Variants in B3GALT1 observed in about 807,000 individuals in gnomAD.
The protein encoded by B3GALT1 is UDP-Gal:betaGlcNAc beta 1,3-galactosyltransferase, polypeptide 1.
B3GALT1 carries 10 observed loss-of-function variants against 23.2 expected under a neutral mutation model. The ratio of observed to expected loss-of-function variants is 0.43; its 90% CI spans 0.27 to 0.73. B3GALT1 has a LOEUF of 0.73. B3GALT1 is among the 30% of genes least tolerant of loss of function. B3GALT1 has a pLI of 0.21. For synonymous variants in B3GALT1, 156 were observed against 141.5 expected (o/e 1.10, Z -0.73); for missense variants, 299 against 405.4 (o/e 0.74, Z 2.25).
chr2:167,556,565 T>G (rs574804399), intron 2 of B3GALT1, among the ~76,000 whole-genome samples: 37 of 152,316 alleles, frequency 2.4e-4, no homozygotes, highest in African/African-American at 8.7e-4. Flanking sequence ...ATTTCAATAA[T>G]GAAGTTTTAT....
intron 1 of B3GALT1, among the ~76,000 whole-genome samples, chr2:167,451,219 G>T (rs1255633488): frequency 1.3e-5 from 2 of 151,924 alleles, no homozygotes; most frequent in African/African-American, 2.4e-5. Context: ...TTCTTGATTT[G>T]GTTCCATTGC....
intron 3 of B3GALT1, among the ~76,000 whole-genome samples, chr2:167,787,182 A>G (rs988240125): frequency 2.6e-5 from 4 of 152,252 alleles, no homozygotes; most frequent in Admixed American, 6.5e-5. Flanking sequence ...ATGGGGTGAA[A>G]TCTGGATTTG....
intron 3 of B3GALT1, among the ~76,000 whole-genome samples, chr2:167,724,945 T>G (rs968417017): frequency 3.3e-5 from 5 of 152,210 alleles, no homozygotes; most frequent in African/African-American, 1.2e-4. Context: ...CTTTTTCCAT[T>G]CAGTGCTTGG....
chr2:167,520,116 A>G (rs1376994832), intron 2 of B3GALT1, among the ~76,000 whole-genome samples: 2 of 152,118 alleles, frequency 1.3e-5, no homozygotes, highest in African/African-American at 4.8e-5. Flanking sequence ...ATACTTTGAA[A>G]AGTTCATGTT....
intron 3 of B3GALT1, among the ~76,000 whole-genome samples, chr2:167,785,842 G>C (rs1301661351): frequency 1.3e-5 from 2 of 152,192 alleles, no homozygotes; most frequent in Admixed American, 1.3e-4. Context: ...TGTTCGTGAA[G>C]TCCTATGAGA....
intron 1 of B3GALT1, among the ~76,000 whole-genome samples, chr2:167,319,166 A>G (rs541000519): frequency 8.7e-4 from 132 of 152,276 alleles, no homozygotes; most frequent in African/African-American, 3.1e-3. Context: ...CCTTTTGCTT[A>G]TGATGGCTGT....
At chr2:167,465,235 A>G (rs1053315058) in intron 1 of B3GALT1, among the ~76,000 whole-genome samples, 1 of 152,146 alleles carries the variant, frequency 6.6e-6, no homozygotes, top group African/African-American at 2.4e-5. Flanking sequence ...TTTTAGTGAC[A>G]GGGTTCCAAC....
intron 3 of B3GALT1, among the ~76,000 whole-genome samples, chr2:167,692,488 T>TA (rs1686730092): frequency 6.6e-6 from 1 of 152,106 alleles, no homozygotes; most frequent in Non-Finnish European, 1.5e-5. Flanking sequence ...CACTTTGTAA[T>TA]AAAAAGAGCA....
chr2:167,804,471 T>G (rs1688707726), intron 3 of B3GALT1, among the ~76,000 whole-genome samples: 1 of 151,928 alleles, frequency 6.6e-6, no homozygotes, highest in Admixed American at 6.6e-5. Flanking sequence ...ATGCTATCCC[T>G]CCCCCTTCTG....
intron 3 of B3GALT1, among the ~76,000 whole-genome samples, chr2:167,804,242 G>A (rs149091710): frequency 0.015 from 2,351 of 152,084 alleles, 56 homozygotes; most frequent in African/African-American, 0.05. Flanking sequence ...TGCGAGCCTC[G>A]GCCGCCCAAA....
At chr2:167,750,587 G>C (rs372078677) in intron 3 of B3GALT1, among the ~76,000 whole-genome samples, 1 of 151,994 alleles carries the variant, frequency 6.6e-6, no homozygotes, top group African/African-American at 2.4e-5. Context: ...GTTCAACCAG[G>C]TTGGTACCTG....
intron 3 of B3GALT1, among the ~76,000 whole-genome samples, chr2:167,729,117 A>T (rs1687366911): frequency 6.6e-6 from 1 of 152,202 alleles, no homozygotes; most frequent in Non-Finnish European, 1.5e-5. Context: ...GCCCTGGTGA[A>T]CTGTGAGGGA....
chr2:167,548,523 C>A (rs931257300), intron 2 of B3GALT1, among the ~76,000 whole-genome samples: 1 of 152,096 alleles, frequency 6.6e-6, no homozygotes, highest in African/African-American at 2.4e-5. Flanking sequence ...CCTTTTCCTC[C>A]CTCCTGCTGC....
intron 2 of B3GALT1, among the ~76,000 whole-genome samples, chr2:167,561,693 G>C (rs550659673): frequency 0.013 from 2,052 of 152,234 alleles, 53 homozygotes; most frequent in African/African-American, 0.046. Context: ...CGCAAATAAA[G>C]TAGAAAATCT....
rs185151936 is a variant in B3GALT1 at position 167,689,875 on chromosome 2, G to A, written c.-352+42909G>A. Among the ~76,000 whole-genome samples, 537 of 152,224 alleles carry A rather than the reference G, an allele frequency of 3.5e-3. 5 individuals are homozygous for A. The highest frequency in any genetic ancestry group is 6.0e-3 in the Non-Finnish European group (409 of 68,014). On this transcript the variant is annotated intron_variant, in intron 3 of 4. Transcript: ENST00000392690. ...AGAGGTTTTGTTAAGGACTGTGCCA[G>A]GATTTCTGTTTCAACAACTGGAAGC...
intron 2 of B3GALT1, among the ~76,000 whole-genome samples, chr2:167,619,556 A>C (rs1381884801): frequency 2.0e-5 from 3 of 152,088 alleles, no homozygotes; most frequent in Non-Finnish European, 4.4e-5. Context: ...TATATAGTAC[A>C]TTGTGCAGAA....
At chr2:167,776,419 T>G (rs1439682388) in intron 3 of B3GALT1, among the ~76,000 whole-genome samples, 1 of 152,216 alleles carries the variant, frequency 6.6e-6, no homozygotes, top group Non-Finnish European at 1.5e-5. Flanking sequence ...TTACTTTACC[T>G]TACTAAACGT....
intron 3 of B3GALT1, among the ~76,000 whole-genome samples, chr2:167,739,402 A>G (rs1687541692): frequency 6.6e-6 from 1 of 152,126 alleles, no homozygotes; most frequent in East Asian, 1.9e-4. Flanking sequence ...GTGGATAGAA[A>G]TGGGAATTAG....
intron 2 of B3GALT1, among the ~76,000 whole-genome samples, chr2:167,582,939 T>C (rs972601009): frequency 6.6e-6 from 1 of 152,220 alleles, no homozygotes; most frequent in African/African-American, 2.4e-5. Context: ...TCCTGCCATA[T>C]TGGCACTGAA....
Sources: gnomAD v4.1 joint callset for allele counts (sites outside exome capture counted in the v4.1 genomes callset) on GRCh38, gnomAD v4.1.1 for gene constraint, MANE v1.5 for transcripts, NCBI Gene and HGNC (gene_info 2026-07-23, HGNC 2026-07-21) for gene names.